Variants in SCAF1 observed in about 807,000 individuals in gnomAD.
SCAF1 encodes the protein splicing factor, arginine/serine-rich 19.
Under a neutral mutation model 91.2 loss-of-function variants are expected in SCAF1, and 28 were observed. The ratio of observed to expected loss-of-function variants is 0.31; its 90% CI spans 0.23 to 0.42. The LOEUF is 0.42. SCAF1 is among the 10% of genes least tolerant of loss of function. The pLI is 1.00. For synonymous variants in SCAF1, 1,036 were observed against 833.7 expected, an observed-to-expected ratio of 1.24 and a Z score of -4.18; for missense variants, 1,893 against 1,872.1, an observed-to-expected ratio of 1.01 and a Z score of -0.21.
At chr19:49,648,392 G>A (rs1326005406) in intron 6 of SCAF1, among the ~76,000 whole-genome samples, 1 of 152,056 alleles carries the variant, frequency 6.6e-6, no homozygotes, top group Admixed American at 6.5e-5. Context: ...GATTATGGGC[G>A]TGAGCCACCA....
chr19:49,655,521 C>A (rs2081133617), intron 9 of SCAF1, among the ~76,000 whole-genome samples: 2 of 151,920 alleles, frequency 1.3e-5, no homozygotes, highest in African/African-American at 4.8e-5. Flanking sequence ...CACCCGCCAC[C>A]ACACCCAGCT....
intron 7 of SCAF1, 148 bp from the exon 8 acceptor site, chr19:49,654,201 G>A: frequency 1.5e-6 from 1 of 664,488 alleles, no homozygotes; most frequent in Non-Finnish European, 2.6e-6. Context: ...ATTGGCCAAG[G>A]CCCCCTTTTC....
In SCAF1 at chr19:49,646,957, A is replaced by G. The variant is rs1318217394; in HGVS notation, c.478+127A>G. The G allele has an allele frequency of 1.4e-6, 1 of 700,716 alleles. No homozygotes were observed. The highest frequency in any genetic ancestry group is 1.8e-5 in the African/African-American group (1 of 55,760). 43.4% of individuals were successfully genotyped at this position (700,716 alleles called of 1,614,324 possible). A position where few individuals can be genotyped will look rare whatever the true frequency, so the allele number is the denominator to read the frequency against. ...AACCTTTCCCTTCTCTTCGTATTAG[A>G]CGTGATTAAGGCTGTAGGCGCATAC... On this transcript the variant is annotated intron_variant, in intron 6 of 10. Transcript: ENST00000360565. This position sits in a 1 kb window ranked among gnomAD's most constrained non-coding sequence, Gnocchi z 5.6.
Position 49,651,310 on chromosome 19 carries a change from C to G in SCAF1, c.921C>G (p.Asp307Glu), listed in dbSNP as rs914985800. The G allele has an allele frequency of 6.2e-7, 1 of 1,610,766 alleles. No individual in the cohort carries two copies. Among genetic ancestry groups the G allele is most frequent in the Admixed American group, 1.7e-5 (1 of 59,976 alleles). Residue 307 changes from aspartate (D) to glutamate (E), a missense_variant, in exon 7 of 11, where the codon GAC becomes GAG. Around this residue, in one of 5 missense-constraint regions of SCAF1, gnomAD observed 80 missense variants for 116.6 expected, o/e 0.69. Coordinates refer to ENST00000360565, the MANE Select transcript of SCAF1 (RefSeq NM_021228.3). ...ISETLAGIYDDNSLSQDFPGD... is the reference protein window; with the variant it reads ...ISETLAGIYDENSLSQDFPGD... Reference sequence around the variant, plus strand: ...AGACCCTGGCGGGCATCTACGATGACAACAGCCTGAGCCAGGACTTCCCAG... The same window carrying G: ...AGACCCTGGCGGGCATCTACGATGAGAACAGCCTGAGCCAGGACTTCCCAG...
Position 49,652,795 on chromosome 19 carries a change from G to T in SCAF1, c.2406G>T (p.Ala802=). 6.2e-7 allele frequency: 1 copy of T among 1,613,434 alleles called. No individual in the cohort carries two copies. Among genetic ancestry groups the T allele is most frequent in the South Asian group, 1.1e-5 (1 of 91,038 alleles). Residue 802 remains alanine, a synonymous_variant, in exon 7 of 11, where the codon GCG becomes GCT. Transcript: ENST00000360565. ...SKKARPPKES[A]PSSGPPPKPP... The stretch of plus-strand genomic sequence containing the variant: ...AGGCCCGGCCCCCCAAGGAGTCGGC[G>T]CCTTCCTCAGGGCCCCCGCCAAAGC...
chr19:49,652,671 C>G lies in SCAF1; in HGVS notation c.2282C>G (p.Ser761Cys), dbSNP rs772383494. ...CGCTCGGGGGCCGCCTCCTCCTCCTCCTCTTCCCGGGAGAAGGGGTCTCGT... is the reference window on the plus strand; with the variant it reads ...CGCTCGGGGGCCGCCTCCTCCTCCTGCTCTTCCCGGGAGAAGGGGTCTCGT... ...RRRSGAASSSSSSREKGSRRK... is the reference protein window; with the variant it reads ...RRRSGAASSSCSSREKGSRRK... Residue 761 changes from serine (S) to cysteine (C), a missense_variant, in exon 7 of 11, where the codon TCC (serine) becomes TGC (cysteine). By Grantham distance (112) the Ser-to-Cys change is moderately radical. Transcript: ENST00000360565. 1 of 1,564,888 alleles carries G rather than the reference C, an allele frequency of 6.4e-7. No homozygotes were observed. The highest frequency in any genetic ancestry group is 1.2e-5 in the South Asian group (1 of 85,830).
intron 10 of SCAF1, 40 bp from the exon 11 acceptor site, chr19:49,658,168 G>C: frequency 6.3e-7 from 1 of 1,589,298 alleles, no homozygotes; most frequent in Non-Finnish European, 8.6e-7. Flanking sequence ...ATGGGGCCCC[G>C]GGAGCCTGGT....
intron 8 of SCAF1, 95 bp from the exon 9 acceptor site, chr19:49,654,557 A>T (rs2081126380): frequency 7.4e-6 from 10 of 1,355,712 alleles, no homozygotes; most frequent in Non-Finnish European, 1.0e-5. Flanking sequence ...CTGTTGCCTC[A>T]GCTGTGGGGA....
At chr19:49,657,668 G>C in intron 9 of SCAF1, 93 bp from the exon 10 acceptor site, 2 of 1,450,106 alleles carry the variant, frequency 1.4e-6, no homozygotes, top group South Asian at 1.3e-5. Context: ...GGCCAGAGAG[G>C]TTAGGCTGGC....
chr19:49,653,551 C>G lies in SCAF1; in HGVS notation c.3162C>G (p.Ala1054=), dbSNP rs946756185. The change falls in exon 7 of 11, where the codon GCC becomes GCG. Residue 1054 remains alanine (A), a synonymous_variant. Coordinates refer to ENST00000360565, the MANE Select transcript of SCAF1 (RefSeq NM_021228.3). ...TTTATSTAAA[A]PSTAPSAGST... ...CGGCCACCAGCACTGCTGCAGCCGC[C>G]CCAAGCACTGCCCCCAGCGCGGGGT... 1.3e-6 allele frequency: 2 copies of G among 1,584,930 alleles called. No individual in the cohort carries two copies. The highest frequency in any genetic ancestry group is 2.3e-5 in the East Asian group (1 of 44,390).
rs2081063960 is a variant in SCAF1 at position 49,647,811 on chromosome 19, T to TAC, written c.478+981_478+982insAC. Among the ~76,000 whole-genome samples the TAC allele has an allele frequency of 1.1e-4, 17 of 151,808 alleles. No homozygotes were observed. The South Asian group carries it at 3.3e-3, about 30-fold the overall frequency. Reference sequence around the variant, plus strand: ...CCACACCCAGCTAATTTTCGTAGTTTTAGTAGAGATGGGGTTTCACCATGC... The same window carrying TAC: ...CCACACCCAGCTAATTTTCGTAGTTTACTAGTAGAGATGGGGTTTCACCATGC... On this transcript the variant is annotated intron_variant, in intron 6 of 10. Coordinates refer to ENST00000360565, the MANE Select transcript of SCAF1 (RefSeq NM_021228.3).
chr19:49,644,731 T>G, intron 1 of SCAF1: 1 of 267,236 alleles, frequency 3.7e-6, no homozygotes. Flanking sequence ...GCTGCGGGAA[T>G]TGAGGAGTGA....
chr19:49,652,054 C>A lies in SCAF1; in HGVS notation c.1665C>A (p.His555Gln). ...CCTCGCCCTGGGACTCCAAGAAGCA[C>A]CGCTCGCGGGACCGCAAGCCCGGCT... is the stretch of plus-strand genomic sequence containing the variant. ...APASPWDSKKHRSRDRKPGSH... is the reference protein window; with the variant it reads ...APASPWDSKKQRSRDRKPGSH... Residue 555 changes from histidine (H) to glutamine (Q), a missense_variant, in exon 7 of 11, where the codon CAC (histidine) becomes CAA (glutamine). Transcript: ENST00000360565. The A allele has an allele frequency of 8.1e-7, 1 of 1,234,486 alleles. No homozygotes were observed. Among genetic ancestry groups the A allele is most frequent in the Non-Finnish European group, 1.0e-6 (1 of 975,724 alleles). 76.5% of individuals were successfully genotyped at this position (1,234,486 alleles called of 1,614,324 possible).
chr19:49,652,949 G>T lies in SCAF1; in HGVS notation c.2560G>T (p.Ala854Ser). The T allele has an allele frequency of 6.2e-7, 1 of 1,613,844 alleles. No individual in the cohort carries two copies. The highest frequency in any genetic ancestry group is 1.7e-5 in the Admixed American group (1 of 60,008). The change falls in exon 7 of 11, where the codon GCC becomes TCC. Residue 854 changes from alanine to serine, a missense_variant. Physicochemically the swap from Ala to Ser is moderately conservative, Grantham distance 99 (BLOSUM62 1). Transcript: ENST00000360565. ...GVSSTTPAKD[A>S]ASAGLGSIGV... is the part of the protein sequence containing the mutation. ...CAGCAGCACCACCCCGGCCAAGGAT[G>T]CCGCGTCAGCCGGCCTGGGCTCCAT...
chr19:49,641,100 C>T (rs1357403412), upstream of SCAF1, among the ~76,000 whole-genome samples: 2 of 152,038 alleles, frequency 1.3e-5, no homozygotes, highest in African/African-American at 4.8e-5. Flanking sequence ...AGGGCACTGG[C>T]TTGGGGGGAC....
chr19:49,658,171 A>T, intron 10 of SCAF1, 37 bp from the exon 11 acceptor site: 2 of 1,592,128 alleles, frequency 1.3e-6, no homozygotes, highest in Non-Finnish European at 1.7e-6. Flanking sequence ...GGGCCCCGGG[A>T]GCCTGGTGGT....
rs1296503704 is a variant in SCAF1 at position 49,642,397 on chromosome 19, C to T, written c.-7+155C>T. On this transcript the variant is annotated intron_variant, in intron 1 of 10. Coordinates refer to ENST00000360565, the MANE Select transcript of SCAF1 (RefSeq NM_021228.3). This position sits in a 1 kb window ranked among gnomAD's most constrained non-coding sequence, Gnocchi z 4.0. ...CTCGGGCCCGGCAGCTGCGGCGAAA[C>T]CTGGCGCCGAGAGGGGGGCCTTCTC... Among the ~76,000 whole-genome samples, 1 of 152,166 alleles carries T rather than the reference C, an allele frequency of 6.6e-6. No individual in the cohort carries two copies. Among genetic ancestry groups the T allele is most frequent in the Non-Finnish European group, 1.5e-5 (1 of 68,026 alleles).
At position 49,651,801 on chromosome 19, in the gene SCAF1, C is replaced by A; in HGVS notation, c.1412C>A (p.Pro471His). The A allele has an allele frequency of 7.9e-7, 1 of 1,270,796 alleles. No individual in the cohort carries two copies. Among genetic ancestry groups the A allele is most frequent in the Non-Finnish European group, 9.9e-7 (1 of 1,009,438 alleles). 78.7% of individuals were successfully genotyped at this position (1,270,796 alleles called of 1,614,324 possible). The change falls in exon 7 of 11, where the codon CCC becomes CAC. Residue 471 changes from proline (P) to histidine (H), a missense_variant. By Grantham distance (77) the Pro-to-His change is moderately conservative. This residue lies in a region of SCAF1 where 1,436 missense variants were observed against 1,306.8 expected (regional missense o/e 1.10). Coordinates refer to ENST00000360565, the MANE Select transcript of SCAF1 (RefSeq NM_021228.3). The stretch of plus-strand genomic sequence containing the variant: ...CTAGGGGAGCCGGCTCCCGCGCCGC[C>A]CGCCGCCGACTCGCGCTGGGGCGGC... ...VDLGEPAPAP[P>H]AADSRWGGLD...
rs1431933520 is a variant in SCAF1 at position 49,653,116 on chromosome 19, G to C, written c.2727G>C (p.Lys909Asn). 9.9e-6 allele frequency: 16 copies of C among 1,611,706 alleles called. No homozygotes were observed. The highest frequency in any genetic ancestry group is 1.3e-5 in the Non-Finnish European group (15 of 1,179,022). The change falls in exon 7 of 11, where the codon AAG (lysine) becomes AAC (asparagine). Residue 909 changes from lysine to asparagine, a missense_variant. Physicochemically the swap from Lys to Asn is moderately conservative, Grantham distance 94 (BLOSUM62 0). Coordinates refer to ENST00000360565, the MANE Select transcript of SCAF1 (RefSeq NM_021228.3). ...KTKVKAKAGAKKTKGTKGKTK... is the reference protein window; with the variant it reads ...KTKVKAKAGANKTKGTKGKTK... ...AGGTCAAGGCCAAGGCAGGGGCCAA[G>C]AAAACCAAGGGGACCAAGGGAAAGA...
Sources: allele counts gnomAD v4.1 joint callset (sites outside exome capture counted in the v4.1 genomes callset), GRCh38; gene constraint gnomAD v4.1.1; regional missense constraint gnomAD v4.1.1; non-coding constraint Gnocchi (gnomAD v3.1); transcripts MANE v1.5; gene names NCBI Gene and HGNC (gene_info 2026-07-23, HGNC 2026-07-21).